Variants in FIG4 observed in about 807,000 individuals in gnomAD.
The protein encoded by FIG4 is FIG4 phosphoinositide 5-phosphatase.
FIG4 carries 112 observed loss-of-function variants against 118.6 expected under a neutral mutation model. The ratio of observed to expected loss-of-function variants is 0.94; its 90% CI spans 0.81 to 1.11. The LOEUF (loss-of-function observed/expected upper bound fraction) is 1.11, where lower values mean the gene tolerates loss of function less well. FIG4 is among the 50% of genes least tolerant of loss of function. FIG4 has a pLI of 0.00. For synonymous variants in FIG4, 369 were observed against 381.2 expected, an observed-to-expected ratio of 0.97 and a Z score of 0.37; for missense variants, 969 against 1,111.7, an observed-to-expected ratio of 0.87 and a Z score of 1.83.
At chr6:109,735,507 T>C (rs1776135381) in intron 6 of FIG4, among the ~76,000 whole-genome samples, 1 of 152,180 alleles carries the variant, frequency 6.6e-6, no homozygotes, top group African/African-American at 2.4e-5. Flanking sequence ...AACCACAAAA[T>C]TGTATGCTGA....
chr6:109,696,117 A>G (rs944752681), intron 1 of FIG4, among the ~76,000 whole-genome samples: 1 of 152,196 alleles, frequency 6.6e-6, no homozygotes, highest in Non-Finnish European at 1.5e-5. Context: ...CATTGTCCCC[A>G]TAAACTTTTA....
chr6:109,713,641 A>G (rs1775339471), intron 1 of FIG4, among the ~76,000 whole-genome samples: 1 of 152,178 alleles, frequency 6.6e-6, no homozygotes, highest in South Asian at 2.1e-4. Flanking sequence ...GCACACGTGC[A>G]CTGGTAGGGC....
rs73523096 is a variant in FIG4, at chr6:109,785,692, C to T, written c.1949-610C>T. On this transcript the variant is annotated intron_variant, in intron 17 of 22. Coordinates refer to ENST00000230124, the MANE Select transcript of FIG4 (RefSeq NM_014845.6). ...AAAGGGTTCCTAGCAAGATCTCCTG[C>T]GAATCTGGAATGCTCCAATTGAGGA... is the stretch of plus-strand genomic sequence containing the variant. The T allele has an allele frequency of 2.5e-3, 1,187 of 470,726 alleles. 17 individuals are homozygous for T. The highest frequency in any genetic ancestry group is 0.022 in the African/African-American group (1,108 of 50,146). The allele number at this position is 470,726 out of a possible 1,614,324, so 29.2% of individuals were successfully genotyped here.
At chr6:109,744,825 G>A (rs187223686) in intron 10 of FIG4, among the ~76,000 whole-genome samples, 47 of 142,180 alleles carry the variant, frequency 3.3e-4, no homozygotes, top group African/African-American at 1.1e-3. Flanking sequence ...AGTGTGTGAT[G>A]TTCCCGTCCT....
At chr6:109,764,633 T>C (rs1777226802) in intron 13 of FIG4, among the ~76,000 whole-genome samples, 1 of 152,126 alleles carries the variant, frequency 6.6e-6, no homozygotes, top group African/African-American at 2.4e-5. Context: ...GATATGGCCC[T>C]AACCACTGAA....
intron 15 of FIG4, among the ~76,000 whole-genome samples, chr6:109,775,217 T>C (rs1777584078): frequency 6.6e-6 from 1 of 152,076 alleles, no homozygotes; most frequent in African/African-American, 2.4e-5. Flanking sequence ...CTGGAGGTGA[T>C]TGTTTTATTT....
chr6:109,749,019 G>C (rs948226540), intron 10 of FIG4, among the ~76,000 whole-genome samples: 1 of 150,782 alleles, frequency 6.6e-6, no homozygotes, highest in African/African-American at 2.4e-5. Context: ...TCCTAGGAGA[G>C]GACTGTATAA....
chr6:109,822,340 T>A (rs1188525135), intron 22 of FIG4, among the ~76,000 whole-genome samples: 1 of 145,136 alleles, frequency 6.9e-6, no homozygotes, highest in East Asian at 2.3e-4. Context: ...TTGTGTGATT[T>A]TCTGTATCGA....
At chr6:109,744,261 T>C (rs1776412860) in intron 10 of FIG4, among the ~76,000 whole-genome samples, 1 of 152,132 alleles carries the variant, frequency 6.6e-6, no homozygotes, top group South Asian at 2.1e-4. Context: ...GGTGGGCATG[T>C]GAGAAGCCCA....
intron 15 of FIG4, among the ~76,000 whole-genome samples, chr6:109,775,220 T>C (rs1030970593): frequency 2.0e-5 from 3 of 152,168 alleles, no homozygotes; most frequent in African/African-American, 7.2e-5. Context: ...GAGGTGATTG[T>C]TTTATTTGCA....
At chr6:109,719,275 C>A (rs1314000577) in intron 3 of FIG4, among the ~76,000 whole-genome samples, 1 of 151,996 alleles carries the variant, frequency 6.6e-6, no homozygotes, top group Non-Finnish European at 1.5e-5. Context: ...GCCTTATTGG[C>A]CAGATTTTAT....
chr6:109,745,218 C>T (rs1776452902), intron 10 of FIG4, among the ~76,000 whole-genome samples: 1 of 152,210 alleles, frequency 6.6e-6, no homozygotes, highest in Non-Finnish European at 1.5e-5. Context: ...AATCGTCACA[C>T]TGTCTTCCAC....
chr6:109,804,426 T>A (rs1244120202), intron 22 of FIG4, among the ~76,000 whole-genome samples: 1 of 152,190 alleles, frequency 6.6e-6, no homozygotes. Flanking sequence ...ATAGCCCTTG[T>A]CTTCTCTGAG....
chr6:109,811,467 A>G (rs572797464), intron 22 of FIG4, among the ~76,000 whole-genome samples: 197 of 152,308 alleles, frequency 1.3e-3, no homozygotes, highest in Middle Eastern at 3.4e-3. Flanking sequence ...AATTATTATC[A>G]TAGCCACAAG....
chr6:109,692,491 G>A (rs1410629615), intron 1 of FIG4, among the ~76,000 whole-genome samples: 2 of 152,170 alleles, frequency 1.3e-5, no homozygotes, highest in Admixed American at 6.5e-5. Flanking sequence ...AGGTTAACAT[G>A]AGTAGAGAAT....
rs1026667593 is a variant in FIG4, at chr6:109,816,796, A to G, written c.2547-8292A>G. 6.6e-5 allele frequency among the ~76,000 whole-genome samples: 10 copies of G among 152,290 alleles called. No homozygotes were observed. In the East Asian group the frequency reaches 1.9e-3, roughly 29 times the overall value. ...AAGAAGTGTAATGATGTGACATGAC[A>G]AAGTCAATGGTAGCTCTTTATAAAT... is the stretch of plus-strand genomic sequence containing the variant. On this transcript the variant is annotated intron_variant, in intron 22 of 22. Coordinates refer to ENST00000230124, the MANE Select transcript of FIG4 (RefSeq NM_014845.6).
chr6:109,791,355 T>G, intron 19 of FIG4, 21 bp from the exon 20 acceptor site: 1 of 1,604,364 alleles, frequency 6.2e-7, no homozygotes, highest in Non-Finnish European at 8.5e-7. Flanking sequence ...ATGCTTCACT[T>G]CCATATTATT....
Position 109,765,123 on chromosome 6 carries a change from T to A in FIG4, c.1545T>A (p.Ile515=). 6.2e-7 allele frequency: 1 copy of A among 1,614,110 alleles called. No homozygotes were observed. Among genetic ancestry groups the A allele is most frequent in the Admixed American group, 1.7e-5 (1 of 60,024 alleles). The change falls in exon 14 of 23, where the codon ATT becomes ATA. Residue 515 remains isoleucine (I), a synonymous_variant. Transcript: ENST00000230124. ...ATCAGCTGTATTCACTGGGACTGAT[T>A]GACAAACCTAATCTACAGTTTGATA... ...LAYQLYSLGL[I]DKPNLQFDTD...
At chr6:109,808,584 T>C (rs568143711) in intron 22 of FIG4, among the ~76,000 whole-genome samples, 1 of 152,314 alleles carries the variant, frequency 6.6e-6, no homozygotes, top group African/African-American at 2.4e-5. Flanking sequence ...ATTGTCTAAG[T>C]TGTGAGCTAA....
Sources: allele counts gnomAD v4.1 joint callset (sites outside exome capture counted in the v4.1 genomes callset), GRCh38; gene constraint gnomAD v4.1.1; transcripts MANE v1.5; gene names NCBI Gene and HGNC (gene_info 2026-07-23, HGNC 2026-07-21).